Variants in BICD1 observed in about 807,000 individuals in gnomAD.
BICD1 encodes BICD cargo adaptor 1.
In BICD1, 35 loss-of-function variants were observed where a neutral mutation model predicts 92.5. The observed-to-expected ratio is 0.38, with a 90% CI of 0.29 to 0.50. The LOEUF (loss-of-function observed/expected upper bound fraction) is 0.50. BICD1 is among the 20% of genes least tolerant of loss of function. The pLI is 0.93. For synonymous variants in BICD1, 429 were observed against 465.1 expected, an observed-to-expected ratio of 0.92 and a Z score of 1.00; for missense variants, 950 against 1,189.8, an observed-to-expected ratio of 0.80 and a Z score of 2.97.
intron 2 of BICD1, among the ~76,000 whole-genome samples, chr12:32,275,749 A>T (rs1947257259): frequency 6.6e-6 from 1 of 152,092 alleles, no homozygotes; most frequent in South Asian, 2.1e-4. Context: ...CTCCTGATCC[A>T]GCGAGACTCC....
chr12:32,134,921 A>G (rs1431840979), intron 1 of BICD1, among the ~76,000 whole-genome samples: 1 of 152,174 alleles, frequency 6.6e-6, no homozygotes, highest in East Asian at 1.9e-4. Context: ...AAACAGAATC[A>G]CATAAACAGG....
At position 32,328,664 on chromosome 12, in the gene BICD1, G is replaced by A. The variant is rs1937673255; in HGVS notation, c.2100+109G>A. The A allele has an allele frequency of 7.1e-6, 10 of 1,407,820 alleles. No individual in the cohort carries two copies. Among genetic ancestry groups the A allele is most frequent in the Admixed American group, 4.9e-5 (2 of 40,876 alleles). 87.2% of individuals were successfully genotyped at this position (1,407,820 alleles called of 1,614,324 possible). ...CGTCAAGATGAGAGTTCAGATTCTT[G>A]GTAAGTGGATAAATAAAACTGTCCC... On this transcript the variant is annotated intron_variant, in intron 5 of 9. Coordinates refer to ENST00000652176, the MANE Select transcript of BICD1 (RefSeq NM_001714.4). The surrounding 1 kb of genome is among the most constrained non-coding windows in gnomAD (Gnocchi z 4.4).
chr12:32,335,965 T>A lies in BICD1; in HGVS notation c.2252+1298T>A, dbSNP rs1284347726. Among the ~76,000 whole-genome samples, 7 of 152,232 alleles carry A rather than the reference T, an allele frequency of 4.6e-5. 1 individual carries two copies. Among genetic ancestry groups the A allele is most frequent in the Non-Finnish European group, 8.8e-5 (6 of 68,012 alleles). ...AATTACTATGGCTTTACTTGCAGATTTAGTAAATAATTTACATTTGGCTGA... is the reference window on the plus strand; with the variant it reads ...AATTACTATGGCTTTACTTGCAGATATAGTAAATAATTTACATTTGGCTGA... On this transcript the variant is annotated intron_variant, in intron 6 of 9. Transcript: ENST00000652176.
At chr12:32,361,873 A>G (rs1211759267) in intron 8 of BICD1, among the ~76,000 whole-genome samples, 1 of 152,198 alleles carries the variant, frequency 6.6e-6, no homozygotes, top group Non-Finnish European at 1.5e-5. Flanking sequence ...CTCACTACTC[A>G]TCGTGGCTGG....
At chr12:32,250,348 C>A (rs967112128) in intron 2 of BICD1, among the ~76,000 whole-genome samples, 1 of 152,034 alleles carries the variant, frequency 6.6e-6, no homozygotes, top group South Asian at 2.1e-4. Flanking sequence ...GGATAAAATG[C>A]GATTAATAGA....
rs796074212 is a variant in BICD1 at position 32,220,264 on chromosome 12, G to T, written c.426+3805G>T. On this transcript the variant is annotated intron_variant, in intron 2 of 9. Transcript: ENST00000652176. ...AAATGGGATCTAATTAAACTAAAGA[G>T]CTTCTGCACAGCAAAAGAAACTACC... Among the ~76,000 whole-genome samples, 848 of 152,202 alleles carry T rather than the reference G, an allele frequency of 5.6e-3. 6 individuals are homozygous for T. Among genetic ancestry groups the T allele is most frequent in the East Asian group, 0.018 (95 of 5,192 alleles).
intron 1 of BICD1, among the ~76,000 whole-genome samples, chr12:32,120,194 GGATT>G (rs755516346): frequency 1.3e-5 from 2 of 151,902 alleles, no homozygotes; most frequent in African/African-American, 2.4e-5. Flanking sequence ...TTTTTTTGAG[GGATT>G]GATCTCTAAC....
intron 2 of BICD1, among the ~76,000 whole-genome samples, chr12:32,272,445 G>C (rs938670491): frequency 2.6e-5 from 4 of 152,198 alleles, no homozygotes; most frequent in African/African-American, 9.7e-5. Context: ...GAGTCCTGAA[G>C]ACCTTTCTCT....
chr12:32,114,553 G>C (rs1383389049), intron 1 of BICD1, among the ~76,000 whole-genome samples: 1 of 151,850 alleles, frequency 6.6e-6, no homozygotes, highest in Non-Finnish European at 1.5e-5. Context: ...ACTAATTTTT[G>C]TATTTTTTTT....
At chr12:32,262,843 G>C (rs1186893926) in intron 2 of BICD1, among the ~76,000 whole-genome samples, 5 of 152,178 alleles carry the variant, frequency 3.3e-5, no homozygotes, top group Non-Finnish European at 7.3e-5. Flanking sequence ...AAACTCTGCT[G>C]TTTAAACCAC....
Position 32,327,643 on chromosome 12 carries a change from C to T in BICD1, c.1188C>T (p.Gly396=), listed in dbSNP as rs754297643. Residue 396 remains glycine (G), a synonymous_variant, in exon 5 of 10, where the codon GGC becomes GGT. Transcript: ENST00000652176. ...ELKAELDGEK[G]RDSGEEAHDY... is the part of the protein sequence containing the mutation. ...AGGCTGAGCTGGACGGGGAGAAGGG[C>T]CGGGACTCAGGGGAGGAGGCCCATG... 15 of 1,613,872 alleles carry T rather than the reference C, an allele frequency of 9.3e-6. No individual in the cohort carries two copies. In the Admixed American group the frequency reaches 2.5e-4, roughly 27 times the overall value.
intron 1 of BICD1, among the ~76,000 whole-genome samples, chr12:32,194,445 C>T (rs1451416991): frequency 1.3e-5 from 2 of 152,106 alleles, no homozygotes; most frequent in Non-Finnish European, 2.9e-5. Flanking sequence ...TATATTAACC[C>T]TAAAGATTCC....
intron 1 of BICD1, among the ~76,000 whole-genome samples, chr12:32,162,725 G>A (rs559087819): frequency 6.6e-6 from 1 of 152,294 alleles, no homozygotes; most frequent in Admixed American, 6.5e-5. Flanking sequence ...GCTCATGCCT[G>A]TAAACCCAGC....
intron 2 of BICD1, among the ~76,000 whole-genome samples, chr12:32,259,735 T>C (rs963860574): frequency 2.6e-5 from 4 of 152,188 alleles, no homozygotes; most frequent in African/African-American, 9.7e-5. Flanking sequence ...TGTCCAAGAC[T>C]GATGTTAGTG....
chr12:32,327,653 G>A lies in BICD1; in HGVS notation c.1198G>A (p.Gly400Arg), dbSNP rs368356881. The part of the protein sequence containing the change: ...ELDGEKGRDS[G>R]EEAHDYEVDI... Reference sequence around the variant, plus strand: ...GGACGGGGAGAAGGGCCGGGACTCAGGGGAGGAGGCCCATGACTATGAGGT... The same window carrying A: ...GGACGGGGAGAAGGGCCGGGACTCAAGGGAGGAGGCCCATGACTATGAGGT... The change falls in exon 5 of 10, where the codon GGG (glycine) becomes AGG (arginine). Residue 400 changes from glycine to arginine, a missense_variant. By Grantham distance (125) the Gly-to-Arg change is moderately radical. Coordinates refer to ENST00000652176, the MANE Select transcript of BICD1 (RefSeq NM_001714.4). 4 of 1,613,978 alleles carry A rather than the reference G, an allele frequency of 2.5e-6. No individual in the cohort carries two copies. In the African/African-American group the frequency reaches 5.3e-5, roughly 22 times the overall value.
At chr12:32,149,033 G>A (rs373661669) in intron 1 of BICD1, among the ~76,000 whole-genome samples, 5 of 120,334 alleles carry the variant, frequency 4.2e-5, no homozygotes, top group Admixed American at 8.3e-5. Context: ...AAAAAAAAAA[G>A]AGTTCTGTAA....
intron 9 of BICD1, among the ~76,000 whole-genome samples, chr12:32,374,148 A>G (rs889351743): frequency 9.3e-5 from 14 of 151,020 alleles, no homozygotes; most frequent in Non-Finnish European, 1.0e-4. Context: ...TGGGAGGCAG[A>G]GGTTGCAGTG....
rs58959894 is a variant in BICD1, at chr12:32,337,186, A to G, written c.2253-313A>G. Among the ~76,000 whole-genome samples, 37,526 of 152,068 alleles carry G rather than the reference A, an allele frequency of 0.25. 5,084 individuals carry two copies. Among genetic ancestry groups the G allele is most frequent in the East Asian group, 0.6 (3,089 of 5,160 alleles). ...CGCTTGAACCTGGGAGGCAGAGGTT[A>G]CAGTGAGCCAAGATCACGCCACTGC... On this transcript the variant is annotated intron_variant, in intron 6 of 9. Transcript: ENST00000652176. This position sits in a 1 kb window ranked among gnomAD's most constrained non-coding sequence, Gnocchi z 4.7.
chr12:32,129,379 G>A (rs1453003614), intron 1 of BICD1, among the ~76,000 whole-genome samples: 2 of 151,000 alleles, frequency 1.3e-5, no homozygotes, highest in African/African-American at 2.4e-5. Flanking sequence ...AAAAAAATTA[G>A]CCAGGTATGG....
Sources: allele counts gnomAD v4.1 joint callset (sites outside exome capture counted in the v4.1 genomes callset), GRCh38; gene constraint gnomAD v4.1.1; non-coding constraint Gnocchi (gnomAD v3.1); transcripts MANE v1.5; gene names NCBI Gene and HGNC (gene_info 2026-07-23, HGNC 2026-07-21).